The following AGTPBP1 variants were observed in gnomAD, a reference collection of about 807,000 sequenced individuals.
AGTPBP1 encodes the protein cytosolic carboxypeptidase 1.
A neutral mutation model predicts 143.9 loss-of-function variants in AGTPBP1; 70 were observed. The observed-to-expected ratio is 0.49, with a 90% confidence interval of 0.40 to 0.59. The LOEUF (loss-of-function observed/expected upper bound fraction) is 0.59, where lower values mean the gene tolerates loss of function less well. Ranked by LOEUF, AGTPBP1 falls within the 20% of genes least tolerant of loss-of-function variation. The pLI is 0.00. For synonymous variants in AGTPBP1, 463 were observed against 500.2 expected (o/e 0.93, Z 0.99); for missense variants, 1,229 against 1,464.5 (o/e 0.84, Z 2.62).
chr9:85,562,047 C>T (rs1166796367), intron 25 of AGTPBP1, among the ~76,000 whole-genome samples: 2 of 151,888 alleles, frequency 1.3e-5, no homozygotes, highest in African/African-American at 4.8e-5. Context: ...GGCCAGGATG[C>T]TCTTGAACTC....
chr9:85,663,724 CAT>C (rs1387418844), intron 8 of AGTPBP1, among the ~76,000 whole-genome samples: 1 of 151,776 alleles, frequency 6.6e-6, no homozygotes, highest in African/African-American at 2.4e-5. Context: ...GAAGATTTAA[CAT>C]ATTGCAGAAA....
chr9:85,776,946 T>C, the AGTPBP1 span, among the ~76,000 whole-genome samples: 3 of 152,210 alleles, frequency 2.0e-5, no homozygotes, highest in Admixed American at 1.3e-4. Context: ...TGGATGCTGA[T>C]GCAGAGCATA....
chr9:85,786,762 A>G, the AGTPBP1 span, among the ~76,000 whole-genome samples: 1 of 152,254 alleles, frequency 6.6e-6, no homozygotes, highest in African/African-American at 2.4e-5. Flanking sequence ...GGGGAGTTTT[A>G]GTTTATATTC....
chr9:85,723,177 C>A (rs1838243770), intron 1 of AGTPBP1, among the ~76,000 whole-genome samples: 1 of 152,234 alleles, frequency 6.6e-6, no homozygotes, highest in Non-Finnish European at 1.5e-5. Context: ...AGAGCTCAAA[C>A]GCCATGCTGG....
intron 25 of AGTPBP1, among the ~76,000 whole-genome samples, chr9:85,571,763 A>G (rs779154923): frequency 3.9e-5 from 6 of 152,216 alleles, no homozygotes; most frequent in South Asian, 2.1e-4. Context: ...TAATCTGAAT[A>G]TAATCATGCA....
rs1000495157 is a variant in AGTPBP1, at chr9:85,672,793, GGCTCCATCTCA to G, written c.437-123_437-113del. 4 of 790,332 alleles carry G rather than the reference GGCTCCATCTCA, an allele frequency of 5.1e-6. No homozygotes were observed. In the African/African-American group the frequency reaches 7.7e-5, roughly 15 times the overall value. The allele number at this position is 790,332 out of a possible 1,614,324, so 49.0% of individuals were successfully genotyped here. A position where few individuals can be genotyped will look rare whatever the true frequency, so the allele number is the denominator to read the frequency against. On this transcript the variant is annotated intron_variant, in intron 6 of 25. Transcript: ENST00000357081. ...TCTGTCATCCAGGCTGGAGTGCAGT[GGCTCCATCTCA>G]GCTCACTGCAACCTCTGGCTCCCAG...
rs1782504814 is a variant in AGTPBP1, at chr9:85,741,390, G to A, written c.-34+385C>T. 1.1e-5 allele frequency: 11 copies of A among 985,248 alleles called. No individual in the cohort carries two copies. In the South Asian group the frequency reaches 5.2e-4, roughly 46 times the overall value. 61.0% of individuals were successfully genotyped at this position (985,248 alleles called of 1,614,324 possible). On this transcript the variant is annotated intron_variant, in intron 1 of 25. Coordinates refer to ENST00000357081, the MANE Select transcript of AGTPBP1 (RefSeq NM_001330701.2). ...GCTGGGCGCGCCCGCCCCCGGCCCT[G>A]CAGCCCCTCGGCTGGACTCCCCGCG...
At chr9:85,666,357 G>A (rs1266880612) in intron 8 of AGTPBP1, among the ~76,000 whole-genome samples, 4 of 152,034 alleles carry the variant, frequency 2.6e-5, no homozygotes, top group Non-Finnish European at 1.5e-5. Flanking sequence ...TTCCTCAATC[G>A]TCTTCCCATT....
At chr9:85,689,870 G>A (rs1419940693) in intron 3 of AGTPBP1, among the ~76,000 whole-genome samples, 10 of 123,682 alleles carry the variant, frequency 8.1e-5, no homozygotes, top group Non-Finnish European at 1.1e-4. Context: ...ACTACAGCCC[G>A]GGCAACAGAG....
In AGTPBP1 at chr9:85,586,849, T is replaced by A. The variant is rs1483761208; in HGVS notation, c.3015A>T (p.Ala1005=). Residue 1005 remains alanine, a synonymous_variant, in exon 22 of 26, where the codon GCA becomes GCT. Transcript: ENST00000357081. The part of the protein sequence containing the change: ...HAKGLLQYLA[A]VKRLPLVYCD... ...TACTTACCAAGGGTAAACGCTTCACTGCAGCCAAGTATTGCAACAGCCCCT... is the reference window on the plus strand; with the variant it reads ...TACTTACCAAGGGTAAACGCTTCACAGCAGCCAAGTATTGCAACAGCCCCT... The A allele has an allele frequency of 6.2e-7, 1 of 1,613,886 alleles. No homozygotes were observed. Among genetic ancestry groups the A allele is most frequent in the Admixed American group, 1.7e-5 (1 of 60,022 alleles).
chr9:85,560,884 G>A (rs1826668524), intron 25 of AGTPBP1, among the ~76,000 whole-genome samples: 1 of 152,138 alleles, frequency 6.6e-6, no homozygotes. Context: ...GTCCCAGAAG[G>A]AGAGATAATG....
upstream of AGTPBP1, among the ~76,000 whole-genome samples, chr9:85,744,548 T>G (rs1182338943): frequency 2.0e-5 from 3 of 152,196 alleles, no homozygotes; most frequent in Admixed American, 1.3e-4. Flanking sequence ...TAGAATTTGT[T>G]AAGCAAAAGG....
At chr9:85,578,740 G>A (rs910148876) in intron 24 of AGTPBP1, among the ~76,000 whole-genome samples, 180 bp downstream of exon 24, 1 of 151,964 alleles carries the variant, frequency 6.6e-6, no homozygotes. Context: ...GAGAAGTAAA[G>A]AAACCAACAA....
the AGTPBP1 span, among the ~76,000 whole-genome samples, chr9:85,761,547 G>A: frequency 6.6e-6 from 1 of 152,190 alleles, no homozygotes; most frequent in African/African-American, 2.4e-5. Flanking sequence ...TTAACAAATG[G>A]TGCTGGGAAA....
At chr9:85,698,518 C>T (rs1836418525) in intron 2 of AGTPBP1, among the ~76,000 whole-genome samples, 1 of 151,932 alleles carries the variant, frequency 6.6e-6, no homozygotes, top group Non-Finnish European at 1.5e-5. Flanking sequence ...GAGGGCAGCT[C>T]TACCATTTGA....
At chr9:85,712,646 GA>G in intron 1 of AGTPBP1, 80 bp from the exon 2 acceptor site, 1 of 618,630 alleles carries the variant, frequency 1.6e-6, no homozygotes, top group African/African-American at 1.9e-5. Flanking sequence ...CCATACAATG[GA>G]AAGTTTTCAT....
rs771204493 is a variant in AGTPBP1 at position 85,575,300 on chromosome 9, A to C, written c.3503+15T>G. 1.3e-6 allele frequency: 2 copies of C among 1,565,028 alleles called. No homozygotes were observed. Among genetic ancestry groups the C allele is most frequent in the Non-Finnish European group, 1.7e-6 (2 of 1,165,458 alleles). On this transcript the variant is annotated intron_variant, in intron 25 of 25. Coordinates refer to ENST00000357081, the MANE Select transcript of AGTPBP1 (RefSeq NM_001330701.2). The stretch of plus-strand genomic sequence containing the variant: ...ATACTACAATATAATAAAAGAAAAA[A>C]CAATTTTTTCCTACCTAGTTACTTT...
Position 85,607,891 on chromosome 9 carries a change from A to G in AGTPBP1, c.2335+11092T>C, listed in dbSNP as rs538684811. Among the ~76,000 whole-genome samples, 5 of 152,212 alleles carry G rather than the reference A, an allele frequency of 3.3e-5. No individual in the cohort carries two copies. In the South Asian group the frequency reaches 1.0e-3, roughly 32 times the overall value. On this transcript the variant is annotated intron_variant, in intron 17 of 25. Coordinates refer to ENST00000357081, the MANE Select transcript of AGTPBP1 (RefSeq NM_001330701.2). ...GTAAGCTGCATGTTATTTACACCCAATGACTCTACGTAGAAAAAAATACAT... is the reference window on the plus strand; with the variant it reads ...GTAAGCTGCATGTTATTTACACCCAGTGACTCTACGTAGAAAAAAATACAT...
At chr9:85,590,399 A>C (rs1828883397) in intron 19 of AGTPBP1, among the ~76,000 whole-genome samples, 1 of 152,178 alleles carries the variant, frequency 6.6e-6, no homozygotes, top group Non-Finnish European at 1.5e-5. Context: ...CACATCATTA[A>C]ATATGTTAAA....
Sources: gnomAD v4.1 joint callset for allele counts (sites outside exome capture counted in the v4.1 genomes callset) on GRCh38, gnomAD v4.1.1 for gene constraint, MANE v1.5 for transcripts, NCBI Gene and HGNC (gene_info 2026-07-23, HGNC 2026-07-21) for gene names.